HMCN1: variants seen among roughly 807,000 people sequenced by gnomAD.
HMCN1 encodes the protein hemicentin-1.
Under a neutral mutation model 625.9 loss-of-function variants are expected in HMCN1, and 321 were observed. That is an observed-to-expected ratio of 0.51 (90% confidence interval 0.47 to 0.56). HMCN1 has a LOEUF of 0.56. HMCN1 is among the 20% of genes least tolerant of loss of function. HMCN1 has a pLI of 0.00. For missense variants in HMCN1, 6,588 were observed against 6,887.3 expected (o/e 0.96, Z 1.54); for synonymous variants, 2,425 against 2,417.6 (o/e 1.00, Z -0.09).
At chr1:186,033,921 AT>A (rs1655651322) in intron 36 of HMCN1, among the ~76,000 whole-genome samples, 1 of 151,502 alleles carries the variant, frequency 6.6e-6, no homozygotes, top group Non-Finnish European at 1.5e-5. Context: ...TTGTGTCTTG[AT>A]TCATTAGTGA....
intron 1 of HMCN1, among the ~76,000 whole-genome samples, chr1:185,802,461 T>C (rs754915714): frequency 3.9e-5 from 6 of 152,118 alleles, no homozygotes; most frequent in Non-Finnish European, 8.8e-5. Context: ...AGGTAAAGTG[T>C]AGTACAATGG....
chr1:185,945,225 G>T (rs375150397), intron 11 of HMCN1, among the ~76,000 whole-genome samples: 20 of 152,300 alleles, frequency 1.3e-4, no homozygotes, highest in African/African-American at 4.8e-4. Flanking sequence ...GGTAGATAAG[G>T]ATTATGACAA....
At position 186,144,214 on chromosome 1, in the gene HMCN1, A is replaced by G. The variant is rs776783939; in HGVS notation, c.13966A>G (p.Ser4656Gly). The G allele has an allele frequency of 5.5e-5, 89 of 1,611,270 alleles. No homozygotes were observed. Among genetic ancestry groups the G allele is most frequent in the Admixed American group, 4.4e-4 (26 of 59,742 alleles). The change falls in exon 90 of 107, where the codon AGC (serine) becomes GGC (glycine). Residue 4656 changes from serine (S) to glycine (G), a missense_variant. Physicochemically the swap from Ser to Gly is moderately conservative, Grantham distance 56. Around this residue, in one of 3 missense-constraint regions of HMCN1, gnomAD observed 1,954 missense variants for 2,013.1 expected, o/e 0.97. Transcript: ENST00000271588. ...CGCTTGGCAGCCTTGGGGAACATGC[A>G]GCGAAAGTTGTGGGAAAGGTACTCA... is the stretch of plus-strand genomic sequence containing the variant. ...WSAWQPWGTC[S>G]ESCGKGTQTR...
intron 29 of HMCN1, among the ~76,000 whole-genome samples, chr1:186,006,821 A>T (rs550245540): frequency 1.3e-5 from 2 of 151,928 alleles, no homozygotes; most frequent in Non-Finnish European, 2.9e-5. Flanking sequence ...AAAAAAGCTG[A>T]AAAAAGAATA....
chr1:186,130,068 T>C lies in HMCN1; in HGVS notation c.13007T>C (p.Phe4336Ser). 6.2e-7 allele frequency: 1 copy of C among 1,613,294 alleles called. No homozygotes were observed. Residue 4336 changes from phenylalanine (F) to serine (S), a missense_variant, in exon 84 of 107, where the codon TTT becomes TCT. Phe to Ser is a radical substitution (Grantham distance 155). This residue lies in a region of HMCN1 where 1,954 missense variants were observed against 2,013.1 expected (regional missense o/e 0.97). Coordinates refer to ENST00000271588, the MANE Select transcript of HMCN1 (RefSeq NM_031935.3). The part of the protein sequence containing the change: ...YVCTAENSVG[F>S]VKAIGFVYVK... Reference sequence around the variant, plus strand: ...TGCACCGCAGAGAACAGCGTTGGCTTTGTGAAGGCAATTGGATTTGTTTAT... The same window carrying C: ...TGCACCGCAGAGAACAGCGTTGGCTCTGTGAAGGCAATTGGATTTGTTTAT...
intron 100 of HMCN1, among the ~76,000 whole-genome samples, chr1:186,168,885 G>C (rs989791134): frequency 6.6e-6 from 1 of 152,056 alleles, no homozygotes; most frequent in Non-Finnish European, 1.5e-5. Context: ...CCTACATTAG[G>C]TATTTCTCCT....
chr1:185,794,501 G>GA (rs142380703), intron 1 of HMCN1, among the ~76,000 whole-genome samples: 4 of 145,164 alleles, frequency 2.8e-5, no homozygotes, highest in African/African-American at 1.0e-4. Context: ...GAAAAAAAAA[G>GA]AAAAAAAAGA....
At chr1:185,959,138 A>C (rs534730675) in intron 11 of HMCN1, among the ~76,000 whole-genome samples, 1 of 152,332 alleles carries the variant, frequency 6.6e-6, no homozygotes, top group East Asian at 1.9e-4. Context: ...TGACTTAGGT[A>C]ATTAAATCAT....
intron 69 of HMCN1, among the ~76,000 whole-genome samples, chr1:186,105,623 C>T (rs1558227335): frequency 6.6e-6 from 1 of 152,188 alleles, no homozygotes; most frequent in Non-Finnish European, 1.5e-5. Flanking sequence ...GCATGTCCAC[C>T]TCTGCAAAAT....
intron 4 of HMCN1, among the ~76,000 whole-genome samples, chr1:185,895,584 A>G (rs1445648777): frequency 6.6e-6 from 1 of 152,258 alleles, no homozygotes. Context: ...AGAAAGGACT[A>G]TTCCCTTCTG....
chr1:185,948,368 C>T (rs75549579), intron 11 of HMCN1, among the ~76,000 whole-genome samples: 5 of 150,910 alleles, frequency 3.3e-5, no homozygotes, highest in South Asian at 4.2e-4. Flanking sequence ...GGGCTGAGTC[C>T]GAAAAGAGAG....
chr1:186,137,899 A>G lies in HMCN1; in HGVS notation c.13851A>G (p.Ser4617=). Residue 4617 remains serine, a synonymous_variant, in exon 89 of 107, where the codon TCA becomes TCG. Transcript: ENST00000271588. ...QTRTRTCNNP[S]VQHGGRPCEG... ...GGACCAGGACTTGCAATAATCCATC[A>G]GTTCAGCATGGTGGGCGGCCATGTG... 1 of 1,614,132 alleles carries G rather than the reference A, an allele frequency of 6.2e-7. No individual in the cohort carries two copies. The highest frequency in any genetic ancestry group is 8.5e-7 in the Non-Finnish European group (1 of 1,179,988).
chr1:185,811,177 A>G (rs1659491477), intron 1 of HMCN1, among the ~76,000 whole-genome samples: 1 of 152,124 alleles, frequency 6.6e-6, no homozygotes, highest in Non-Finnish European at 1.5e-5. Flanking sequence ...AAACGCTTGA[A>G]GAAAAAAAGT....
chr1:185,883,068 G>A (rs933782308), intron 4 of HMCN1, among the ~76,000 whole-genome samples: 4 of 151,990 alleles, frequency 2.6e-5, no homozygotes, highest in African/African-American at 7.2e-5. Context: ...CTAAAGTAAC[G>A]TTCAATTACT....
intron 1 of HMCN1, among the ~76,000 whole-genome samples, chr1:185,767,017 A>C (rs537364704): frequency 6.6e-6 from 1 of 152,130 alleles, no homozygotes; most frequent in Admixed American, 6.6e-5. Flanking sequence ...TCATTAAAAA[A>C]AAAAAAGGAA....
intron 1 of HMCN1, among the ~76,000 whole-genome samples, chr1:185,747,322 CTTT>C (rs376197957): frequency 7.0e-6 from 1 of 143,346 alleles, no homozygotes; most frequent in Non-Finnish European, 1.5e-5. Context: ...AAACCTGTTA[CTTT>C]TTTTTTTTTT....
chr1:185,993,447 T>C, intron 23 of HMCN1, 138 bp downstream of exon 23: 1 of 882,060 alleles, frequency 1.1e-6, no homozygotes, highest in Middle Eastern at 3.0e-4. Context: ...ATCTGAGACT[T>C]GTGATTTTCT....
chr1:185,906,933 C>T (rs1666127264), intron 4 of HMCN1, among the ~76,000 whole-genome samples: 1 of 150,400 alleles, frequency 6.6e-6, no homozygotes, highest in African/African-American at 2.5e-5. Flanking sequence ...TTTCTGAGGC[C>T]CAACAACAAT....
chr1:185,987,579 CAG>C (rs772955658), intron 20 of HMCN1, 35 bp downstream of exon 20: 13 of 1,420,900 alleles, frequency 9.1e-6, no homozygotes, highest in Middle Eastern at 1.7e-4. Flanking sequence ...TCCTGAAGAG[CAG>C]AGTGTGAAGT....
Sources: allele counts gnomAD v4.1 joint callset (sites outside exome capture counted in the v4.1 genomes callset), GRCh38; gene constraint gnomAD v4.1.1; regional missense constraint gnomAD v4.1.1; transcripts MANE v1.5; gene names NCBI Gene and HGNC (gene_info 2026-07-23, HGNC 2026-07-21).